BCAS3: variants seen among roughly 807,000 people sequenced by gnomAD.
The protein encoded by BCAS3 is BCAS3 microtubule associated cell migration factor.
BCAS3 carries 53 observed loss-of-function variants against 116.1 expected under a neutral mutation model. That is an observed-to-expected ratio of 0.46 (90% CI 0.37 to 0.57). BCAS3 has a LOEUF of 0.57. Ranked by LOEUF, BCAS3 falls within the 20% of genes least tolerant of loss-of-function variation. The pLI is 0.00. For missense variants in BCAS3, 917 were observed against 1,165.4 expected (o/e 0.79, Z 3.10); for synonymous variants, 391 against 408.2 (o/e 0.96, Z 0.51).
intron 6 of BCAS3, among the ~76,000 whole-genome samples, chr17:60,771,590 T>G (rs1331761456): frequency 6.6e-6 from 1 of 152,110 alleles, no homozygotes; most frequent in Non-Finnish European, 1.5e-5. Flanking sequence ...CTAGGGTATA[T>G]GTGCACAACG....
intron 7 of BCAS3, among the ~76,000 whole-genome samples, chr17:60,839,609 C>T (rs946380472): frequency 1.3e-5 from 2 of 152,062 alleles, no homozygotes; most frequent in Non-Finnish European, 2.9e-5. Context: ...ATTTTCTTTT[C>T]TTTTTCTTTT....
At chr17:61,371,358 G>A (rs1393468830) in intron 23 of BCAS3, among the ~76,000 whole-genome samples, 1 of 152,206 alleles carries the variant, frequency 6.6e-6, no homozygotes, top group Admixed American at 6.5e-5. Context: ...TGGTTGGTAA[G>A]CTGTACCCTA....
intron 22 of BCAS3, among the ~76,000 whole-genome samples, chr17:61,257,427 A>AG (rs1341177742): frequency 6.6e-6 from 1 of 150,722 alleles, no homozygotes; most frequent in African/African-American, 2.4e-5. Flanking sequence ...TCTCAAAAAA[A>AG]AAAAAAAAAA....
intron 7 of BCAS3, 55 bp from the exon 8 acceptor site, chr17:60,868,521 T>A: frequency 1.9e-6 from 2 of 1,057,284 alleles, no homozygotes; most frequent in Non-Finnish European, 2.7e-6. Flanking sequence ...GTATAGAGAT[T>A]ATTGGTCTTT....
At position 61,087,116 on chromosome 17, in the gene BCAS3, T is replaced by C. The variant is rs998183572; in HGVS notation, c.2425+2552T>C. On this transcript the variant is annotated intron_variant, in intron 22 of 23. Coordinates refer to ENST00000407086, the MANE Select transcript of BCAS3 (RefSeq NM_017679.5). The surrounding 1 kb of genome is among the most constrained non-coding windows in gnomAD (Gnocchi z 4.6). ...GATTCTTCTGTTAAAAAGAATCTAA[T>C]AAATTTTTATAATTGCTCTTGAACC... is the stretch of plus-strand genomic sequence containing the variant. 66 of 984,556 alleles carry C rather than the reference T, an allele frequency of 6.7e-5. No homozygotes were observed. Among genetic ancestry groups the C allele is most frequent in the Non-Finnish European group, 8.0e-5 (66 of 829,224 alleles). The allele number at this position is 984,556 out of a possible 1,614,324, so 61.0% of individuals were successfully genotyped here. A position where few individuals can be genotyped will look rare whatever the true frequency, so the allele number is the denominator to read the frequency against.
chr17:60,801,340 T>C (rs543380099), intron 6 of BCAS3, among the ~76,000 whole-genome samples: 1 of 152,310 alleles, frequency 6.6e-6, no homozygotes, highest in Non-Finnish European at 1.5e-5. Flanking sequence ...ATGCTGATCT[T>C]ATAGCCTGTG....
intron 22 of BCAS3, among the ~76,000 whole-genome samples, chr17:61,341,560 G>A (rs932768447): frequency 2.6e-5 from 4 of 152,194 alleles, no homozygotes; most frequent in African/African-American, 9.7e-5. Context: ...CGCTGCTGAT[G>A]GATCCTGGTC....
chr17:60,697,901 C>T (rs192051180), intron 4 of BCAS3, among the ~76,000 whole-genome samples: 12 of 151,970 alleles, frequency 7.9e-5, no homozygotes, highest in African/African-American at 2.2e-4. Context: ...GAAAATAGGC[C>T]GGGTACGATG....
chr17:60,756,832 A>G (rs2144322797), intron 6 of BCAS3, among the ~76,000 whole-genome samples: 1 of 151,778 alleles, frequency 6.6e-6, no homozygotes, highest in East Asian at 1.9e-4. Context: ...TTTTTGATGA[A>G]CCTCCATATT....
At position 61,214,243 on chromosome 17, in the gene BCAS3, G is replaced by A. The variant is rs2081639859; in HGVS notation, c.2425+129679G>A. Among the ~76,000 whole-genome samples the A allele has an allele frequency of 6.6e-6, 1 of 152,096 alleles. No individual in the cohort carries two copies. Among genetic ancestry groups the A allele is most frequent in the Non-Finnish European group, 1.5e-5 (1 of 68,010 alleles). ...TAGCCAGGTGTGGTGGCAGGCACCT[G>A]TAATCCCAGCTACTTGGGAGGCCAA... On this transcript the variant is annotated intron_variant, in intron 22 of 23. Transcript: ENST00000407086. This position sits in a 1 kb window ranked among gnomAD's most constrained non-coding sequence, Gnocchi z 4.4.
At position 61,032,650 on chromosome 17, in the gene BCAS3, A is replaced by G. The variant is rs7208034; in HGVS notation, c.1638-2016A>G. Among the ~76,000 whole-genome samples, 149,553 of 152,260 alleles carry G rather than the reference A, an allele frequency of 0.98. 73,447 individuals are homozygous for G. Among genetic ancestry groups the G allele is most frequent in the East Asian group, 1 (5,175 of 5,176 alleles). ...ATATTTGTTCAGGTATAGGGCAGAG[A>G]AGAGTCTTCCTTTCTGGAGGTATGT... On this transcript the variant is annotated intron_variant, in intron 16 of 23. Transcript: ENST00000407086. This position sits in a 1 kb window ranked among gnomAD's most constrained non-coding sequence, Gnocchi z 4.6.
At chr17:60,977,026 G>A (rs566458869) in intron 14 of BCAS3, among the ~76,000 whole-genome samples, 154 of 151,854 alleles carry the variant, frequency 1.0e-3, no homozygotes, top group African/African-American at 3.3e-3. Flanking sequence ...GGGCAGAGGC[G>A]CCCCCCAACC....
intron 22 of BCAS3, among the ~76,000 whole-genome samples, chr17:61,296,753 A>G (rs1183049687): frequency 1.3e-5 from 2 of 152,248 alleles, no homozygotes; most frequent in South Asian, 2.1e-4. Flanking sequence ...AGTTGCAATT[A>G]GCCAGGCAGC....
chr17:61,045,868 TATATATAAA>T (rs2068044652), intron 19 of BCAS3, among the ~76,000 whole-genome samples: 1 of 24,562 alleles, frequency 4.1e-5, no homozygotes, highest in East Asian at 1.2e-3. Flanking sequence ...TATATATAAA[TATATATAAA>T]TATATATTAT....
intron 7 of BCAS3, among the ~76,000 whole-genome samples, chr17:60,856,822 A>G (rs1439849299): frequency 4.6e-5 from 7 of 152,178 alleles, no homozygotes; most frequent in Non-Finnish European, 1.5e-5. Flanking sequence ...TTTATAGTTC[A>G]TAATTACTTA....
intron 22 of BCAS3, among the ~76,000 whole-genome samples, chr17:61,272,782 T>G (rs903140098): frequency 3.9e-5 from 6 of 151,962 alleles, no homozygotes; most frequent in Admixed American, 3.9e-4. Context: ...ATACATTACA[T>G]TTTGTATCAA....
At chr17:60,988,360 T>TTTTTTTTTTTTTTTTTTTTTTTTTTTTA (rs1555651709) in intron 14 of BCAS3, among the ~76,000 whole-genome samples, 1 of 134,820 alleles carries the variant, frequency 7.4e-6, no homozygotes, top group Non-Finnish European at 1.5e-5. Context: ...TTTTTTTTTT[T>TTTTTTTTTTTTTTTTTTTTTTTTTTTTA]ATGTATGTGT....
Position 61,226,666 on chromosome 17 carries a change from G to A in BCAS3, c.2426-141661G>A, listed in dbSNP as rs1487547673. Among the ~76,000 whole-genome samples, 1 of 152,118 alleles carries A rather than the reference G, an allele frequency of 6.6e-6. No homozygotes were observed. Among genetic ancestry groups the A allele is most frequent in the African/African-American group, 2.4e-5 (1 of 41,426 alleles). ...GCTCCAGTACTCATGTGTATTTTCT[G>A]TATTTTTTCCTTTTTTGCCATCAAA... On this transcript the variant is annotated intron_variant, in intron 22 of 23. Transcript: ENST00000407086. The surrounding 1 kb of genome is among the most constrained non-coding windows in gnomAD (Gnocchi z 6.0).
intron 5 of BCAS3, among the ~76,000 whole-genome samples, chr17:60,724,215 G>A (rs1286829696): frequency 1.3e-5 from 2 of 151,452 alleles, no homozygotes; most frequent in Non-Finnish European, 2.9e-5. Context: ...CTTGAGGTCA[G>A]GAGTTCAAGA....
Sources: gnomAD v4.1 joint callset for allele counts (sites outside exome capture counted in the v4.1 genomes callset) on GRCh38, gnomAD v4.1.1 for gene constraint, Gnocchi (gnomAD v3.1) non-coding constraint, MANE v1.5 for transcripts, NCBI Gene and HGNC (gene_info 2026-07-23, HGNC 2026-07-21) for gene names.